Variants in GPC5 observed in about 807,000 individuals in gnomAD.
GPC5 encodes the protein glypican-5.
A neutral mutation model predicts 53.9 loss-of-function variants in GPC5; 47 were observed. The ratio of observed to expected loss-of-function variants is 0.87; its 90% CI spans 0.69 to 1.11. The LOEUF is 1.11. Among genes scored for constraint, GPC5 ranks in the 50% most tolerant of loss-of-function variants. The pLI is 0.00. For missense variants in GPC5, 748 were observed against 713.1 expected (o/e 1.05, Z -0.56); for synonymous variants, 286 against 263.3 (o/e 1.09, Z -0.84).
chr13:91,550,460 C>T (rs2030568028), intron 2 of GPC5, among the ~76,000 whole-genome samples: 1 of 152,042 alleles, frequency 6.6e-6, no homozygotes, highest in African/African-American at 2.4e-5. Flanking sequence ...TGTGTGGGGG[C>T]AGGGAGTGCA....
intron 7 of GPC5, among the ~76,000 whole-genome samples, chr13:92,277,574 GCTAATAA>G (rs1348321341): frequency 6.6e-6 from 1 of 151,880 alleles, no homozygotes; most frequent in Non-Finnish European, 1.5e-5. Context: ...CTCCTCTGCT[GCTAATAA>G]AAAGATCAAT....
chr13:92,244,000 G>C (rs1008647655), intron 7 of GPC5, among the ~76,000 whole-genome samples: 1 of 152,110 alleles, frequency 6.6e-6, no homozygotes, highest in Non-Finnish European at 1.5e-5. Flanking sequence ...ATTTCAAAAG[G>C]CAAAGTTAAC....
intron 7 of GPC5, among the ~76,000 whole-genome samples, chr13:92,740,555 T>G (rs1203679355): frequency 1.3e-5 from 2 of 152,044 alleles, no homozygotes; most frequent in Non-Finnish European, 2.9e-5. Flanking sequence ...GTATAGAACA[T>G]GTTGAGCATT....
chr13:92,481,015 C>G (rs191519414), intron 7 of GPC5, among the ~76,000 whole-genome samples: 1 of 152,178 alleles, frequency 6.6e-6, no homozygotes, highest in Non-Finnish European at 1.5e-5. Flanking sequence ...AGGTTCTCCC[C>G]TAGAACATCC....
chr13:92,035,383 A>G (rs2040884941), intron 6 of GPC5, among the ~76,000 whole-genome samples: 1 of 151,920 alleles, frequency 6.6e-6, no homozygotes, highest in South Asian at 2.1e-4. Context: ...CATAGATTTT[A>G]TTTTGTTTAT....
Position 91,572,268 on chromosome 13 carries a change from C to CAT in GPC5, c.326-120918_326-120917dup, listed in dbSNP as rs548954174. On this transcript the variant is annotated intron_variant, in intron 2 of 7. Coordinates refer to ENST00000377067, the MANE Select transcript of GPC5 (RefSeq NM_004466.6). ...GTATATATATACACATATGTATATA[C>CAT]ATGTGTATATATGTATGTGTATATG... Among the ~76,000 whole-genome samples, 376 of 146,844 alleles carry CAT rather than the reference C, an allele frequency of 2.6e-3. 6 individuals carry two copies. The highest frequency in any genetic ancestry group is 9.3e-3 in the African/African-American group (363 of 39,078).
intron 6 of GPC5, among the ~76,000 whole-genome samples, chr13:92,008,236 G>A (rs960079470): frequency 1.3e-5 from 2 of 151,754 alleles, no homozygotes; most frequent in Non-Finnish European, 2.9e-5. Context: ...CTAATTTTTT[G>A]TATTTTTAGT....
At chr13:92,351,998 A>G (rs918155061) in intron 7 of GPC5, among the ~76,000 whole-genome samples, 8 of 152,196 alleles carry the variant, frequency 5.3e-5, no homozygotes, top group African/African-American at 1.9e-4. Context: ...AAGAACAAAG[A>G]ATATATAAGA....
At chr13:92,665,349 A>G (rs1218081652) in intron 7 of GPC5, among the ~76,000 whole-genome samples, 1 of 152,214 alleles carries the variant, frequency 6.6e-6, no homozygotes, top group Non-Finnish European at 1.5e-5. Context: ...AAGAAAGGAA[A>G]GGTGCTTACA....
At chr13:92,283,184 A>G (rs2042929200) in intron 7 of GPC5, among the ~76,000 whole-genome samples, 2 of 152,240 alleles carry the variant, frequency 1.3e-5, no homozygotes, top group African/African-American at 4.8e-5. Flanking sequence ...TTCAATAAGA[A>G]GAGCTAAATA....
At chr13:91,933,574 A>G (rs1459383914) in intron 6 of GPC5, among the ~76,000 whole-genome samples, 1 of 151,998 alleles carries the variant, frequency 6.6e-6, no homozygotes, top group Non-Finnish European at 1.5e-5. Flanking sequence ...CCCATTATAT[A>G]TGCTAAAAGG....
intron 5 of GPC5, among the ~76,000 whole-genome samples, chr13:91,779,042 C>T (rs796528705): frequency 1.3e-5 from 2 of 152,160 alleles, no homozygotes; most frequent in Non-Finnish European, 2.9e-5. Context: ...AAATTGTATT[C>T]CTGTATAGCA....
chr13:92,473,307 G>A (rs1184223448), intron 7 of GPC5, among the ~76,000 whole-genome samples: 7 of 152,068 alleles, frequency 4.6e-5, no homozygotes, highest in Admixed American at 2.0e-4. Flanking sequence ...GGAGTTATGG[G>A]TTGCAATGTT....
chr13:92,819,894 G>T (rs936581481), intron 7 of GPC5, among the ~76,000 whole-genome samples: 3 of 151,930 alleles, frequency 2.0e-5, no homozygotes, highest in Non-Finnish European at 4.4e-5. Context: ...TTTCTTGTTA[G>T]GAAAAAAAAT....
At chr13:92,166,702 C>T (rs1296234861) in intron 7 of GPC5, among the ~76,000 whole-genome samples, 3 of 151,994 alleles carry the variant, frequency 2.0e-5, no homozygotes, top group Non-Finnish European at 4.4e-5. Flanking sequence ...GAATAGAATA[C>T]CCTTGATGAG....
chr13:92,795,685 T>C (rs1032667503), intron 7 of GPC5, among the ~76,000 whole-genome samples: 1 of 151,596 alleles, frequency 6.6e-6, no homozygotes, highest in Non-Finnish European at 1.5e-5. Flanking sequence ...AGCAGCCCCA[T>C]CACAAAGTGG....
At chr13:91,498,848 A>G (rs910172802) in intron 2 of GPC5, among the ~76,000 whole-genome samples, 2 of 151,900 alleles carry the variant, frequency 1.3e-5, no homozygotes, top group Non-Finnish European at 2.9e-5. Context: ...GTGCCTGCCT[A>G]TGATCTTGGC....
intron 6 of GPC5, among the ~76,000 whole-genome samples, chr13:91,967,642 T>A (rs2040193420): frequency 6.6e-6 from 1 of 152,026 alleles, no homozygotes; most frequent in African/African-American, 2.4e-5. Flanking sequence ...ATCATTTCCA[T>A]GGCTATGTAA....
At chr13:91,657,369 A>G (rs1340388677) in intron 2 of GPC5, among the ~76,000 whole-genome samples, 1 of 152,130 alleles carries the variant, frequency 6.6e-6, no homozygotes, top group Non-Finnish European at 1.5e-5. Context: ...TATTAACCTA[A>G]AAGAAAAAGA....
Sources: allele counts gnomAD v4.1 joint callset (sites outside exome capture counted in the v4.1 genomes callset), GRCh38; gene constraint gnomAD v4.1.1; transcripts MANE v1.5; gene names NCBI Gene and HGNC (gene_info 2026-07-23, HGNC 2026-07-21).